ABCD2: variants seen among roughly 807,000 people sequenced by gnomAD.
The protein encoded by ABCD2 is ATP-binding cassette sub-family D member 2.
Under a neutral mutation model 70.9 loss-of-function variants are expected in ABCD2, and 36 were observed. The observed-to-expected ratio is 0.51, with a 90% CI of 0.39 to 0.67. The LOEUF (loss-of-function observed/expected upper bound fraction) is 0.67, where lower values mean the gene tolerates loss of function less well. ABCD2 is among the 30% of genes least tolerant of loss of function. The pLI, the probability that ABCD2 is intolerant of heterozygous loss-of-function variation, is 0.00. For synonymous variants in ABCD2, 304 were observed against 306.9 expected (o/e 0.99, Z 0.10); for missense variants, 729 against 890.2 (o/e 0.82, Z 2.30).
intron 3 of ABCD2, 105 bp downstream of exon 3, chr12:39,607,494 A>G: frequency 2.2e-6 from 2 of 923,364 alleles, no homozygotes; most frequent in South Asian, 3.3e-5. Context: ...TTTTTGGCAG[A>G]GAAAAGATAT....
chr12:39,593,527 C>T (rs1430355805), intron 6 of ABCD2, among the ~76,000 whole-genome samples: 1 of 152,162 alleles, frequency 6.6e-6, no homozygotes, highest in South Asian at 2.1e-4. Flanking sequence ...GCTGGGATTA[C>T]AGTCATGAGC....
At chr12:39,559,545 T>A (rs1025009479) in intron 9 of ABCD2, among the ~76,000 whole-genome samples, 1 of 151,962 alleles carries the variant, frequency 6.6e-6, no homozygotes, top group Non-Finnish European at 1.5e-5. Context: ...AAGTCTTCAA[T>A]CATACTCAAT....
chr12:39,604,733 G>A (rs1941947375), intron 4 of ABCD2, 29 bp downstream of exon 4: 1 of 1,494,126 alleles, frequency 6.7e-7, no homozygotes, highest in Admixed American at 2.3e-5. Context: ...TTAAATATAG[G>A]AAAATATAAA....
chr12:39,579,716 C>T, intron 7 of ABCD2, 97 bp from the exon 8 acceptor site: 1 of 923,476 alleles, frequency 1.1e-6, no homozygotes, highest in East Asian at 2.7e-5. Context: ...TTCAAATTGT[C>T]AACATGAAGA....
intron 8 of ABCD2, 38 bp downstream of exon 8, chr12:39,579,497 A>G (rs1941566733): frequency 2.0e-6 from 3 of 1,469,800 alleles, no homozygotes; most frequent in Non-Finnish European, 2.8e-6. Flanking sequence ...TTTGGTTACA[A>G]CAATGGCCTA....
At chr12:39,568,363 C>A (rs1034936276) in intron 9 of ABCD2, among the ~76,000 whole-genome samples, 5 of 152,182 alleles carry the variant, frequency 3.3e-5, no homozygotes, top group Non-Finnish European at 5.9e-5. Context: ...CTTCTCACTT[C>A]ATTTCATTCA....
the ABCD2 span, among the ~76,000 whole-genome samples, chr12:39,540,779 A>C: frequency 1.3e-5 from 2 of 152,242 alleles, no homozygotes; most frequent in African/African-American, 4.8e-5. Context: ...TAAATTGCCT[A>C]AACACCCTCC....
chr12:39,606,494 T>C (rs1941971033), intron 3 of ABCD2, among the ~76,000 whole-genome samples: 1 of 152,242 alleles, frequency 6.6e-6, no homozygotes. Flanking sequence ...CTAACCTAGA[T>C]AGCACAATAT....
the ABCD2 span, among the ~76,000 whole-genome samples, chr12:39,542,141 T>C: frequency 6.6e-6 from 1 of 152,182 alleles, no homozygotes; most frequent in Non-Finnish European, 1.5e-5. Context: ...ATATGTGTAA[T>C]ATAAAATTTT....
chr12:39,597,316 C>G (rs768600833), intron 6 of ABCD2, among the ~76,000 whole-genome samples: 1 of 152,058 alleles, frequency 6.6e-6, no homozygotes, highest in Non-Finnish European at 1.5e-5. Flanking sequence ...TGTTAGCATA[C>G]TATAAAATTT....
At chr12:39,564,289 G>A (rs1003130585) in intron 9 of ABCD2, among the ~76,000 whole-genome samples, 12 of 152,144 alleles carry the variant, frequency 7.9e-5, no homozygotes, top group African/African-American at 2.7e-4. Flanking sequence ...TCCAGCACCT[G>A]TTGTTTCCTG....
chr12:39,581,142 A>G (rs1416033840), intron 7 of ABCD2, among the ~76,000 whole-genome samples: 3 of 152,176 alleles, frequency 2.0e-5, no homozygotes, highest in Non-Finnish European at 4.4e-5. Flanking sequence ...AAACAAAACA[A>G]TGGTTGCCTG....
At chr12:39,576,233 C>G (rs1444626597) in intron 8 of ABCD2, among the ~76,000 whole-genome samples, 2 of 152,178 alleles carry the variant, frequency 1.3e-5, no homozygotes, top group African/African-American at 4.8e-5. Flanking sequence ...CATCTCGGCT[C>G]ACTGCAATCT....
At chr12:39,584,157 C>T (rs1252524735) in intron 7 of ABCD2, among the ~76,000 whole-genome samples, 1 of 152,056 alleles carries the variant, frequency 6.6e-6, no homozygotes, top group Non-Finnish European at 1.5e-5. Context: ...TTCTCTTTTT[C>T]CCACAACCTT....
intron 2 of ABCD2, among the ~76,000 whole-genome samples, chr12:39,616,454 A>G (rs1942115810): frequency 6.6e-6 from 1 of 152,118 alleles, no homozygotes; most frequent in Non-Finnish European, 1.5e-5. Context: ...GGTTATCTGT[A>G]TTATTCACAA....
chr12:39,537,070 G>A, the ABCD2 span, among the ~76,000 whole-genome samples: 1 of 149,334 alleles, frequency 6.7e-6, no homozygotes, highest in African/African-American at 2.5e-5. Context: ...TTTTCTCTGT[G>A]TGCACTCACT....
At chr12:39,569,584 G>A (rs999929931) in intron 9 of ABCD2, among the ~76,000 whole-genome samples, 6 of 152,124 alleles carry the variant, frequency 3.9e-5, no homozygotes, top group Non-Finnish European at 7.4e-5. Flanking sequence ...TGGGTGAGGC[G>A]ATGCCTCGCC....
rs761417112 is a variant in ABCD2 at position 39,604,827 on chromosome 12, G to A, written c.1340C>T (p.Ser447Phe). Residue 447 changes from serine (S) to phenylalanine (F), a missense_variant, in exon 4 of 10, where the codon TCT (serine) becomes TTT (phenylalanine). Ser to Phe is a radical substitution (Grantham distance 155, BLOSUM62 -2). Transcript: ENST00000308666. ...AGCTCCATTCTTGCTATGGCTTTCA[G>A]ATTCTTGAATGACAGCAGTTCTCTT... The part of the protein sequence containing the change: ...IYKRTAVIQE[S>F]ESHSKNGAKV... 2 of 1,612,312 alleles carry A rather than the reference G, an allele frequency of 1.2e-6. No individual in the cohort carries two copies. Among genetic ancestry groups the A allele is most frequent in the East Asian group, 4.5e-5 (2 of 44,698 alleles).
chr12:39,613,712 GCTAA>G (rs1306176687), intron 2 of ABCD2, among the ~76,000 whole-genome samples: 2 of 152,144 alleles, frequency 1.3e-5, no homozygotes, highest in South Asian at 2.1e-4. Context: ...TAGAGCTTCC[GCTAA>G]CTAACTGTGT....
Sources: allele counts gnomAD v4.1 joint callset (sites outside exome capture counted in the v4.1 genomes callset), GRCh38; gene constraint gnomAD v4.1.1; transcripts MANE v1.5; gene names NCBI Gene and HGNC (gene_info 2026-07-23, HGNC 2026-07-21).